The following CNTN6 variants were observed in gnomAD, a reference collection of about 807,000 sequenced individuals.
CNTN6 encodes contactin 6.
Under a neutral mutation model 122.8 loss-of-function variants are expected in CNTN6, and 137 were observed. That is an observed-to-expected ratio of 1.12 (90% CI 0.97 to 1.29). CNTN6 has a LOEUF of 1.29. Among genes scored for constraint, CNTN6 ranks in the 50% most tolerant of loss-of-function variants. CNTN6 has a pLI of 0.00. For synonymous variants in CNTN6, 570 were observed against 426.0 expected (o/e 1.34, Z -4.16); for missense variants, 1,634 against 1,223.4 (o/e 1.34, Z -5.01).
At chr3:1,299,104 G>C (rs1696771527) in intron 7 of CNTN6, among the ~76,000 whole-genome samples, 1 of 152,048 alleles carries the variant, frequency 6.6e-6, no homozygotes, top group South Asian at 2.1e-4. Flanking sequence ...CATTTCTCAT[G>C]GATTTAAGAG....
chr3:1,247,209 A>G (rs1186071671), intron 4 of CNTN6, among the ~76,000 whole-genome samples: 1 of 152,024 alleles, frequency 6.6e-6, no homozygotes, highest in Non-Finnish European at 1.5e-5. Context: ...AATTGGTTCA[A>G]TATACAATTT....
At chr3:1,383,533 C>G in intron 19 of CNTN6, 125 bp downstream of exon 19, 2 of 724,426 alleles carry the variant, frequency 2.8e-6, no homozygotes, top group East Asian at 5.2e-5. Flanking sequence ...AAAGCTAAAG[C>G]AGAGAATGAA....
At chr3:1,143,932 ACAAT>A (rs1235719967) in intron 1 of CNTN6, among the ~76,000 whole-genome samples, 2 of 152,212 alleles carry the variant, frequency 1.3e-5, no homozygotes, top group Non-Finnish European at 2.9e-5. Context: ...GAGGAAACTG[ACAAT>A]CAATGTGATT....
intron 7 of CNTN6, chr3:1,298,228 C>A: frequency 2.3e-6 from 1 of 430,386 alleles, no homozygotes; most frequent in Non-Finnish European, 4.2e-6. Flanking sequence ...GCTGATATTT[C>A]CTTAGTTTAA....
At chr3:1,122,694 C>T (rs1007356113) in intron 1 of CNTN6, among the ~76,000 whole-genome samples, 1 of 151,896 alleles carries the variant, frequency 6.6e-6, no homozygotes, top group African/African-American at 2.4e-5. Flanking sequence ...TAAATGGATT[C>T]ATGCAATATA....
chr3:1,393,653 A>T (rs1694571782), intron 20 of CNTN6, among the ~76,000 whole-genome samples: 1 of 151,994 alleles, frequency 6.6e-6, no homozygotes, highest in Non-Finnish European at 1.5e-5. Flanking sequence ...CAAACATTAA[A>T]AAAAAAAACA....
chr3:1,371,544 T>C (rs1709015791), intron 12 of CNTN6, among the ~76,000 whole-genome samples: 1 of 152,130 alleles, frequency 6.6e-6, no homozygotes, highest in Non-Finnish European at 1.5e-5. Flanking sequence ...CATAACGATC[T>C]ACATTGTGAG....
At chr3:1,304,999 A>C (rs963057588) in intron 7 of CNTN6, among the ~76,000 whole-genome samples, 1 of 151,750 alleles carries the variant, frequency 6.6e-6, no homozygotes, top group African/African-American at 2.4e-5. Context: ...AAAAAAAAAA[A>C]AAAAACAAAA....
At chr3:1,267,953 A>T (rs1332268708) in intron 4 of CNTN6, among the ~76,000 whole-genome samples, 1 of 151,804 alleles carries the variant, frequency 6.6e-6, no homozygotes, top group Non-Finnish European at 1.5e-5. Context: ...CATGAGGATG[A>T]TTTACCTGAA....
chr3:1,307,484 C>G lies in CNTN6; in HGVS notation c.761+9493C>G, dbSNP rs892362326. Among the ~76,000 whole-genome samples the G allele has an allele frequency of 4.6e-5, 7 of 152,010 alleles. No individual in the cohort carries two copies. The East Asian group carries it at 1.4e-3, about 29-fold the overall frequency. ...AGGTCCAATATAACCCCCCCACACA[C>G]AATTTCCCTTGTTACTAACATCTTA... On this transcript the variant is annotated intron_variant, in intron 7 of 22. Transcript: ENST00000446702.
intron 2 of CNTN6, among the ~76,000 whole-genome samples, chr3:1,215,448 GATTT>G (rs1489488646): frequency 1.3e-5 from 2 of 152,018 alleles, no homozygotes; most frequent in East Asian, 3.9e-4. Flanking sequence ...TATTCCAATT[GATTT>G]ATTTGTTATT....
At chr3:1,183,878 C>T (rs1040878496) in intron 2 of CNTN6, among the ~76,000 whole-genome samples, 3 of 152,128 alleles carry the variant, frequency 2.0e-5, no homozygotes, top group Admixed American at 6.6e-5. Context: ...GGTTGTCATG[C>T]GATGACTCGA....
intron 7 of CNTN6, among the ~76,000 whole-genome samples, chr3:1,314,566 T>C (rs1699833203): frequency 6.6e-6 from 1 of 152,088 alleles, no homozygotes; most frequent in Admixed American, 6.6e-5. Flanking sequence ...AGGCACAGTG[T>C]GCTTCTACTA....
At chr3:1,152,884 G>T (rs2092878982) in intron 2 of CNTN6, among the ~76,000 whole-genome samples, 1 of 152,132 alleles carries the variant, frequency 6.6e-6, no homozygotes, top group South Asian at 2.1e-4. Flanking sequence ...GTCAATGGCT[G>T]CTATTATAAC....
At position 1,401,435 on chromosome 3, in the gene CNTN6, C is replaced by G. The variant is rs1323516625; in HGVS notation, c.2707C>G (p.Pro903Ala). The change falls in exon 21 of 23, where the codon CCA becomes GCA. Residue 903 changes from proline (P) to alanine (A), a missense_variant and splice_region_variant. Transcript: ENST00000446702. ...GATCTTTGATTATCTCTTTAAAGCT[C>G]CAAGCCAACCACCAGCAAACATTGC... ...PVNVTTKKSP[P>A]SQPPANIAWK... 1.2e-6 allele frequency: 2 copies of G among 1,611,080 alleles called. No individual in the cohort carries two copies. The highest frequency in any genetic ancestry group is 1.3e-5 in the African/African-American group (1 of 74,772).
intron 6 of CNTN6, 99 bp downstream of exon 6, chr3:1,295,903 C>T: frequency 9.5e-7 from 1 of 1,049,286 alleles, no homozygotes; most frequent in Non-Finnish European, 1.4e-6. Flanking sequence ...TTGGTGGAGC[C>T]AAATTACGAG....
In CNTN6 at chr3:1,278,513, G is replaced by C. The variant is rs1270698636; in HGVS notation, c.454+5G>C. The C allele has an allele frequency of 1.2e-6, 2 of 1,607,328 alleles. No individual in the cohort carries two copies. Among genetic ancestry groups the C allele is most frequent in the Admixed American group, 1.7e-5 (1 of 59,568 alleles). On this transcript the variant is annotated splice_donor_5th_base_variant and intron_variant, in intron 5 of 22. Coordinates refer to ENST00000446702, the MANE Select transcript of CNTN6 (RefSeq NM_001289080.2). The stretch of plus-strand genomic sequence containing the variant: ...GCCCACCGCCACATTTTGGAGGTAT[G>C]ATGGGGTGATTTGGGTCATATCATC...
intron 1 of CNTN6, among the ~76,000 whole-genome samples, chr3:1,124,715 C>G (rs1384209730): frequency 2.0e-5 from 3 of 151,760 alleles, no homozygotes; most frequent in East Asian, 1.9e-4. Flanking sequence ...AAGAACATCC[C>G]TTCCGCTTCT....
At chr3:1,380,512 G>C (rs1710505670) in intron 17 of CNTN6, among the ~76,000 whole-genome samples, 1 of 152,122 alleles carries the variant, frequency 6.6e-6, no homozygotes, top group African/African-American at 2.4e-5. Flanking sequence ...TGTGGTGAAT[G>C]TCTCATAAAT....
Sources: allele counts gnomAD v4.1 joint callset (sites outside exome capture counted in the v4.1 genomes callset), GRCh38; gene constraint gnomAD v4.1.1; transcripts MANE v1.5; gene names NCBI Gene and HGNC (gene_info 2026-07-23, HGNC 2026-07-21).